Variants in KLF8 observed in about 807,000 individuals in gnomAD.
KLF8 encodes the protein Krueppel-like factor 8.
In KLF8, 10 loss-of-function variants were observed where a neutral mutation model predicts 18.2. The ratio of observed to expected loss-of-function variants is 0.55; its 90% CI spans 0.34 to 0.93. KLF8 has a LOEUF of 0.93. Among genes scored for constraint, KLF8 ranks in the 40% least tolerant of loss-of-function variants. KLF8 has a pLI of 0.02. For missense variants in KLF8, 264 were observed against 277.9 expected (o/e 0.95, Z 0.36); for synonymous variants, 109 against 97.3 (o/e 1.12, Z -0.71).
At chrX:56,215,822 C>CAAAAACAAAAAAA in the KLF8 span, among the ~76,000 whole-genome samples, 1 of 31,392 alleles carries the variant, frequency 3.2e-5, no homozygotes, top group African/African-American at 3.0e-4. Flanking sequence ...GACTCTGTCT[C>CAAAAACAAAAAAA]AAAAAAAAAA....
the KLF8 span, among the ~76,000 whole-genome samples, chrX:55,993,601 A>G: frequency 1.8e-5 from 2 of 112,105 alleles, no homozygotes; most frequent in Admixed American, 9.5e-5. Context: ...TGGTATCCCA[A>G]TGATGCTGGC....
chrX:56,116,626 G>A, the KLF8 span, among the ~76,000 whole-genome samples: 4 of 61,091 alleles, frequency 6.5e-5, no homozygotes, highest in Admixed American at 6.3e-4. Flanking sequence ...TATACAGTAT[G>A]ATGTTCTGAT....
chrX:55,957,015 T>A, the KLF8 span, among the ~76,000 whole-genome samples: 65 of 110,965 alleles, frequency 5.9e-4, no homozygotes, highest in East Asian at 3.1e-3. Context: ...TTTTTAGGAA[T>A]TTTATAATTT....
the KLF8 span, among the ~76,000 whole-genome samples, chrX:56,084,902 T>C: frequency 8.9e-6 from 1 of 112,199 alleles, no homozygotes; most frequent in Non-Finnish European, 1.9e-5. Flanking sequence ...TGTGTAACTT[T>C]CTATCTCATA....
upstream of KLF8, among the ~76,000 whole-genome samples, chrX:56,229,440 T>A (rs2066387414): frequency 8.9e-6 from 1 of 111,870 alleles, no homozygotes. Flanking sequence ...TTGGTTCATG[T>A]TTATTCTAGC....
chrX:56,023,993 T>C, the KLF8 span, among the ~76,000 whole-genome samples: 2 of 111,633 alleles, frequency 1.8e-5, no homozygotes, highest in Non-Finnish European at 3.8e-5. Flanking sequence ...GTCATACAAG[T>C]AGAATTATTT....
chrX:56,092,127 A>C, the KLF8 span, among the ~76,000 whole-genome samples: 1 of 110,657 alleles, frequency 9.0e-6, no homozygotes, highest in Non-Finnish European at 1.9e-5. Flanking sequence ...CCTCACTTGA[A>C]AAATGTCTTT....
chrX:56,177,639 G>A, the KLF8 span, among the ~76,000 whole-genome samples: 1 of 111,518 alleles, frequency 9.0e-6, no homozygotes, highest in African/African-American at 3.3e-5. Flanking sequence ...TGTCAGACAG[G>A]GACATTTAAG....
the KLF8 span, among the ~76,000 whole-genome samples, chrX:55,943,467 G>A: frequency 4.5e-5 from 5 of 111,261 alleles, no homozygotes; most frequent in Non-Finnish European, 7.6e-5. Context: ...TATTCATGGC[G>A]GGAGGTGAGA....
chrX:56,212,560 C>T, the KLF8 span, among the ~76,000 whole-genome samples: 2 of 111,876 alleles, frequency 1.8e-5, no homozygotes, highest in Non-Finnish European at 3.8e-5. Flanking sequence ...TGGGTGTCAG[C>T]TGAGTTTGGT....
At chrX:56,202,559 T>TTCCCCCCCCCC in the KLF8 span, among the ~76,000 whole-genome samples, 3 of 75,806 alleles carry the variant, frequency 4.0e-5, no homozygotes, top group Non-Finnish European at 7.9e-5. Context: ...CCATTAACCT[T>TTCCCCCCCCCC]CCCCCCCCCT....
chrX:56,063,990 A>AAT, the KLF8 span, among the ~76,000 whole-genome samples: 3 of 108,369 alleles, frequency 2.8e-5, no homozygotes, highest in East Asian at 2.9e-4. Context: ...CATATATATC[A>AAT]ATATATATAT....
chrX:56,175,126 T>A, the KLF8 span, among the ~76,000 whole-genome samples: 1 of 111,658 alleles, frequency 9.0e-6, no homozygotes, highest in African/African-American at 3.3e-5. Context: ...AGTTATTTCT[T>A]GCCTTCTGCT....
chrX:55,978,094 G>A, the KLF8 span, among the ~76,000 whole-genome samples: 1 of 110,564 alleles, frequency 9.0e-6, no homozygotes, highest in Admixed American at 9.7e-5. Flanking sequence ...CATGTAGAAA[G>A]ATAGACACAC....
At chrX:56,264,272 G>GTATTAGTTTTTTATTAAAAAC (rs1265892832) in intron 2 of KLF8, among the ~76,000 whole-genome samples, 1 of 108,293 alleles carries the variant, frequency 9.2e-6, no homozygotes, top group East Asian at 2.8e-4. Flanking sequence ...TTTAAAAAAA[G>GTATTAGTTTTTTATTAAAAAC]TATTAGTTTT....
the KLF8 span, among the ~76,000 whole-genome samples, chrX:56,123,156 C>A: frequency 9.1e-6 from 1 of 109,870 alleles, no homozygotes; most frequent in Non-Finnish European, 1.9e-5. Flanking sequence ...TTCCTTTCAA[C>A]ATTTTTTCTC....
At chrX:56,047,283 T>C in the KLF8 span, among the ~76,000 whole-genome samples, 1 of 110,386 alleles carries the variant, frequency 9.1e-6, no homozygotes. Flanking sequence ...ATTATTATTA[T>C]ACTTTAAGTT....
chrX:56,056,746 A>G, the KLF8 span, among the ~76,000 whole-genome samples: 50,358 of 95,297 alleles, frequency 0.53, 13,295 homozygotes, highest in East Asian at 0.75. Context: ...ACATGTATAC[A>G]TATGTAACTA....
At chrX:56,009,726 G>A in the KLF8 span, among the ~76,000 whole-genome samples, 1 of 111,810 alleles carries the variant, frequency 8.9e-6, no homozygotes, top group Non-Finnish European at 1.9e-5. Context: ...AAAATTACAG[G>A]AGCTGTTAAC....
Sources: gnomAD v4.1 joint callset for allele counts (sites outside exome capture counted in the v4.1 genomes callset) on GRCh38, gnomAD v4.1.1 for gene constraint, MANE v1.5 for transcripts, NCBI Gene and HGNC (gene_info 2026-07-23, HGNC 2026-07-21) for gene names.